FBXO16: variants seen among roughly 807,000 people sequenced by gnomAD.
FBXO16 encodes the protein F-box only protein 16.
In FBXO16, 31 loss-of-function variants were observed where a neutral mutation model predicts 41.0. The ratio of observed to expected loss-of-function variants is 0.76; its 90% CI spans 0.57 to 1.02. FBXO16 has a LOEUF of 1.02. Among genes scored for constraint, FBXO16 ranks in the 50% least tolerant of loss-of-function variants. The pLI, the probability that FBXO16 is intolerant of heterozygous loss-of-function variation, is 0.00. For missense variants in FBXO16, 361 were observed against 346.2 expected (o/e 1.04, Z -0.34); for synonymous variants, 133 against 117.8 (o/e 1.13, Z -0.84).
At chr8:28,434,987 C>T (rs891559728) in intron 7 of FBXO16, among the ~76,000 whole-genome samples, 2 of 152,314 alleles carry the variant, frequency 1.3e-5, no homozygotes, top group Admixed American at 1.3e-4. Flanking sequence ...GCCCAATGGA[C>T]GGCAGCATGT....
chr8:28,447,569 G>A (rs1234109030), intron 6 of FBXO16: 1 of 307,884 alleles, frequency 3.2e-6, no homozygotes, highest in Non-Finnish European at 6.1e-6. Context: ...GAGACGGTAT[G>A]TACTGGGTGC....
At position 28,463,687 on chromosome 8, in the gene FBXO16, T is replaced by C. The variant is rs1460593586; in HGVS notation, c.267A>G (p.Thr89=). The change falls in exon 4 of 9, where the codon ACA becomes ACG. Residue 89 remains threonine (T), a synonymous_variant. Transcript: ENST00000380254. ...AAGATAACACCCTTGGAAGCTTGGT[T>C]GTAAAGTCCAGGGCTTCTGCTGGAA... ...EKIPAEALDF[T]TKLPRVLSLY... is the part of the protein sequence containing the mutation. 1.2e-6 allele frequency: 2 copies of C among 1,614,242 alleles called. No homozygotes were observed. The highest frequency in any genetic ancestry group is 1.7e-6 in the Non-Finnish European group (2 of 1,180,038).
chr8:28,487,369 A>G (rs1803618322), intron 1 of FBXO16, among the ~76,000 whole-genome samples: 1 of 148,852 alleles, frequency 6.7e-6, no homozygotes, highest in South Asian at 2.1e-4. Flanking sequence ...AGAACAGACC[A>G]TTTGCTACTA....
chr8:28,468,307 G>A (rs533695314), intron 3 of FBXO16, among the ~76,000 whole-genome samples: 1 of 152,176 alleles, frequency 6.6e-6, no homozygotes, highest in Admixed American at 6.5e-5. Flanking sequence ...CCTATTTTTA[G>A]AGTAGTTGTT....
At chr8:28,457,713 C>T (rs1180437912) in intron 4 of FBXO16, among the ~76,000 whole-genome samples, 1 of 152,184 alleles carries the variant, frequency 6.6e-6, no homozygotes, top group African/African-American at 2.4e-5. Flanking sequence ...CAAGAAGAGA[C>T]ATAGGTGGGG....
chr8:28,457,540 G>A (rs1259512101), intron 4 of FBXO16, among the ~76,000 whole-genome samples: 4 of 152,170 alleles, frequency 2.6e-5, no homozygotes, highest in African/African-American at 7.2e-5. Context: ...GCAGGCAAGA[G>A]AGAATGAAAG....
chr8:28,430,197 C>A, intron 7 of FBXO16, among the ~76,000 whole-genome samples: 1 of 152,132 alleles, frequency 6.6e-6, no homozygotes, highest in Non-Finnish European at 1.5e-5. Context: ...CTCAGCCTCC[C>A]GAGTAGCTGG....
Position 28,483,465 on chromosome 8 carries a change from T to C in FBXO16, c.-16-3A>G, listed in dbSNP as rs1254201918. ...CCATCATGAAACAACTGGATATCCT[T>C]CCATAAGAAAAACAACACCTATCAG... On this transcript the variant is annotated splice_region_variant and splice_polypyrimidine_tract_variant and intron_variant, in intron 1 of 8. Coordinates refer to ENST00000380254, the MANE Select transcript of FBXO16 (RefSeq NM_172366.4). 1.9e-6 allele frequency: 3 copies of C among 1,599,472 alleles called. No individual in the cohort carries two copies. The highest frequency in any genetic ancestry group is 2.6e-6 in the Non-Finnish European group (3 of 1,169,406).
chr8:28,477,327 T>C (rs1803438824), intron 2 of FBXO16, among the ~76,000 whole-genome samples: 2 of 152,210 alleles, frequency 1.3e-5, no homozygotes, highest in Non-Finnish European at 2.9e-5. Flanking sequence ...TTTAGAAGTA[T>C]GGAAGCCCCT....
At chr8:28,463,118 C>T (rs1803163568) in intron 4 of FBXO16, among the ~76,000 whole-genome samples, 1 of 151,948 alleles carries the variant, frequency 6.6e-6, no homozygotes, top group Non-Finnish European at 1.5e-5. Context: ...TTGATCATCC[C>T]TTCTCTTTCT....
At chr8:28,454,804 A>G (rs1314179717) in intron 5 of FBXO16, among the ~76,000 whole-genome samples, 1 of 151,456 alleles carries the variant, frequency 6.6e-6, no homozygotes, top group African/African-American at 2.4e-5. Flanking sequence ...AAAATAGGTA[A>G]TAGTGAAATC....
intron 6 of FBXO16, among the ~76,000 whole-genome samples, chr8:28,450,835 C>T (rs1023030897): frequency 3.3e-5 from 5 of 151,964 alleles, no homozygotes; most frequent in East Asian, 1.9e-4. Context: ...CCAGCACTTT[C>T]GGAGGGCGAA....
At chr8:28,461,134 T>TA (rs1299354471) in intron 4 of FBXO16, among the ~76,000 whole-genome samples, 1 of 151,656 alleles carries the variant, frequency 6.6e-6, no homozygotes, top group African/African-American at 2.4e-5. Context: ...AGTTGCAACT[T>TA]ATTTACCCAG....
Position 28,428,526 on chromosome 8 carries a change from A to T in FBXO16, c.*201T>A. On this transcript the variant is annotated 3_prime_UTR_variant, in exon 9 of 9. Coordinates refer to ENST00000380254, the MANE Select transcript of FBXO16 (RefSeq NM_172366.4). ...AATTCAGCTCTCCACTGTGCAAAGCATCTTGTCATTTCTATAATAAAAGTC... is the reference window on the plus strand; with the variant it reads ...AATTCAGCTCTCCACTGTGCAAAGCTTCTTGTCATTTCTATAATAAAAGTC... 1 of 1,530,960 alleles carries T rather than the reference A, an allele frequency of 6.5e-7. No homozygotes were observed. The highest frequency in any genetic ancestry group is 8.8e-7 in the Non-Finnish European group (1 of 1,141,188). The allele number at this position is 1,530,960 out of a possible 1,614,324, so 94.8% of individuals were successfully genotyped here. A position where few individuals can be genotyped will look rare whatever the true frequency, so the allele number is the denominator to read the frequency against.
intron 3 of FBXO16, among the ~76,000 whole-genome samples, chr8:28,472,369 G>A (rs1376355047): frequency 6.6e-6 from 1 of 152,084 alleles, no homozygotes; most frequent in African/African-American, 2.4e-5. Context: ...CCAAAGTACT[G>A]GTATTACAGT....
intron 3 of FBXO16, among the ~76,000 whole-genome samples, chr8:28,465,632 T>A (rs917025802): frequency 6.6e-6 from 1 of 150,908 alleles, no homozygotes; most frequent in African/African-American, 2.4e-5. Flanking sequence ...AAAAAAAAAA[T>A]AAAAAATTTT....
intron 5 of FBXO16, among the ~76,000 whole-genome samples, chr8:28,454,174 T>C (rs1173444886): frequency 2.0e-5 from 3 of 151,730 alleles, no homozygotes; most frequent in African/African-American, 7.3e-5. Flanking sequence ...ATTCAATGAA[T>C]GACTGTAACC....
At chr8:28,476,572 G>C (rs766125882) in intron 2 of FBXO16, among the ~76,000 whole-genome samples, 1 of 152,134 alleles carries the variant, frequency 6.6e-6, no homozygotes, top group Non-Finnish European at 1.5e-5. Context: ...TATTAAAATG[G>C]ATCTTCTTTT....
At chr8:28,460,225 G>GTATATATATATATATATATATA (rs771679568) in intron 4 of FBXO16, among the ~76,000 whole-genome samples, 3 of 75,224 alleles carry the variant, frequency 4.0e-5, no homozygotes, top group African/African-American at 1.4e-4. Flanking sequence ...ATATGTGTGT[G>GTATATATATATATATATATATA]TATATATATA....
Sources: gnomAD v4.1 joint callset for allele counts (sites outside exome capture counted in the v4.1 genomes callset) on GRCh38, gnomAD v4.1.1 for gene constraint, MANE v1.5 for transcripts, NCBI Gene and HGNC (gene_info 2026-07-23, HGNC 2026-07-21) for gene names.